PPIL6: variants seen among roughly 807,000 people sequenced by gnomAD.
PPIL6 encodes the protein peptidylprolyl isomerase like 6.
Under a neutral mutation model 36.8 loss-of-function variants are expected in PPIL6, and 39 were observed. The observed-to-expected ratio is 1.06, with a 90% CI of 0.82 to 1.38. The LOEUF (loss-of-function observed/expected upper bound fraction) is 1.38, where lower values mean the gene tolerates loss of function less well. Among genes scored for constraint, PPIL6 ranks in the 40% most tolerant of loss-of-function variants. The pLI is 0.00. For missense variants in PPIL6, 368 were observed against 379.1 expected (o/e 0.97, Z 0.24); for synonymous variants, 123 against 134.1 (o/e 0.92, Z 0.57).
chr6:109,419,797 T>C (rs1176779265), intron 5 of PPIL6, among the ~76,000 whole-genome samples: 1 of 152,154 alleles, frequency 6.6e-6, no homozygotes, highest in Non-Finnish European at 1.5e-5. Flanking sequence ...AATTATTCAA[T>C]ATCCACACTA....
chr6:109,440,202 G>A, intron 1 of PPIL6: 1 of 578,518 alleles, frequency 1.7e-6, no homozygotes, highest in Non-Finnish European at 3.3e-6. Context: ...GCGCGGTTCT[G>A]AACCCTTCCT....
At chr6:109,416,233 T>C (rs1160282935) in intron 6 of PPIL6, among the ~76,000 whole-genome samples, 2 of 146,828 alleles carry the variant, frequency 1.4e-5, no homozygotes, top group African/African-American at 5.1e-5. Flanking sequence ...ACAAGAGTCT[T>C]ACTCTGTCTC....
intron 6 of PPIL6, among the ~76,000 whole-genome samples, chr6:109,415,571 GCTCTGTCAT>G (rs985078734): frequency 1.1e-4 from 17 of 152,188 alleles, no homozygotes; most frequent in African/African-American, 4.1e-4. Flanking sequence ...TCCTTGATGG[GCTCTGTCAT>G]AAATCCCGTG....
At position 109,413,500 on chromosome 6, in the gene PPIL6, C is replaced by A. The variant is rs1773105865; in HGVS notation, c.688+5687G>T. ...ATGTGGAGAAAAAGGGACCCTTGTA[C>A]ACTGTTGGTGGGAATGTAAACTAAT... is the stretch of plus-strand genomic sequence containing the variant. On this transcript the variant is annotated intron_variant, in intron 6 of 7. Coordinates refer to ENST00000521072, the MANE Select transcript of PPIL6 (RefSeq NM_173672.5). The surrounding 1 kb of genome is among the most constrained non-coding windows in gnomAD (Gnocchi z 4.6). Among the ~76,000 whole-genome samples the A allele has an allele frequency of 6.6e-6, 1 of 152,162 alleles. No homozygotes were observed. Among genetic ancestry groups the A allele is most frequent in the Admixed American group, 6.5e-5 (1 of 15,272 alleles).
At chr6:109,406,415 CA>C (rs1772801183) in intron 6 of PPIL6, among the ~76,000 whole-genome samples, 1 of 152,040 alleles carries the variant, frequency 6.6e-6, no homozygotes, top group Non-Finnish European at 1.5e-5. Flanking sequence ...GTATTTCTTG[CA>C]AATCGGCAGC....
chr6:109,397,931 C>T lies in PPIL6; in HGVS notation c.824+2104G>A, dbSNP rs559928834. On this transcript the variant is annotated intron_variant, in intron 7 of 7. Transcript: ENST00000521072. The stretch of plus-strand genomic sequence containing the variant: ...TTTTTTAAATGGTGTCTCACCCTGT[C>T]GTCAGACTGGAGTGCAGTGGTGCGA... Among the ~76,000 whole-genome samples, 93 of 150,222 alleles carry T rather than the reference C, an allele frequency of 6.2e-4. 1 individual carries two copies. The highest frequency in any genetic ancestry group is 3.4e-3 in the Middle Eastern group (1 of 292).
chr6:109,439,153 T>C (rs1418310269), intron 1 of PPIL6, among the ~76,000 whole-genome samples: 1 of 152,166 alleles, frequency 6.6e-6, no homozygotes, highest in Non-Finnish European at 1.5e-5. Context: ...ACAGAAAATA[T>C]GTGCCTTCAG....
At chr6:109,421,947 G>T (rs1317343054) in intron 5 of PPIL6, among the ~76,000 whole-genome samples, 1 of 152,130 alleles carries the variant, frequency 6.6e-6, no homozygotes, top group Non-Finnish European at 1.5e-5. Flanking sequence ...CATCATCTCG[G>T]CTCACTGCAA....
chr6:109,433,719 G>A (rs1439805251), intron 2 of PPIL6, among the ~76,000 whole-genome samples: 1 of 152,140 alleles, frequency 6.6e-6, no homozygotes, highest in South Asian at 2.1e-4. Flanking sequence ...CACTACTTAT[G>A]ACACAAGACA....
At chr6:109,412,066 T>C (rs886113788) in intron 6 of PPIL6, among the ~76,000 whole-genome samples, 1 of 152,248 alleles carries the variant, frequency 6.6e-6, no homozygotes, top group African/African-American at 2.4e-5. Context: ...CAATCAGACC[T>C]GTCCATCAAT....
At chr6:109,396,483 T>C (rs1772310827) in intron 7 of PPIL6, among the ~76,000 whole-genome samples, 1 of 152,146 alleles carries the variant, frequency 6.6e-6, no homozygotes, top group Non-Finnish European at 1.5e-5. Flanking sequence ...AGATGACTTG[T>C]AGATAAGATG....
chr6:109,434,828 T>C (rs961509205), intron 2 of PPIL6, among the ~76,000 whole-genome samples: 3 of 152,130 alleles, frequency 2.0e-5, no homozygotes, highest in Non-Finnish European at 4.4e-5. Context: ...ACACAGGATA[T>C]TGCTAAGCCA....
In PPIL6 at chr6:109,400,047, A is replaced by C. The variant is rs567517121; in HGVS notation, c.812T>G (p.Phe271Cys). 6.2e-7 allele frequency: 1 copy of C among 1,611,512 alleles called. No individual in the cohort carries two copies. Among genetic ancestry groups the C allele is most frequent in the Admixed American group, 1.7e-5 (1 of 59,722 alleles). ...ACAATATACATACCCAAAAGCCACA[A>C]ATTTTCTATCTAGATAAGGAGTTGC... ...LQATPYLDRK[F>C]VAFGQLIEGT... The change falls in exon 7 of 8, where the codon TTT (phenylalanine) becomes TGT (cysteine). Residue 271 changes from phenylalanine to cysteine, a missense_variant. Physicochemically the swap from Phe to Cys is radical, Grantham distance 205. Transcript: ENST00000521072.
rs1469932634 is a variant in PPIL6 at position 109,440,510 on chromosome 6, C to G, written c.81G>C (p.Lys27Asn). The change falls in exon 1 of 8, where the codon AAG becomes AAC. Residue 27 changes from lysine to asparagine, a missense_variant. Transcript: ENST00000521072. ...TGGGGCAGCTGAAGAGCCCCACCAC[C>G]TTCACCTGCAGCGGCCGCTCCGGCA... is the stretch of plus-strand genomic sequence containing the variant. ...PSLPERPLQV[K>N]VVGLFSCPNF... 1 of 1,524,454 alleles carries G rather than the reference C, an allele frequency of 6.6e-7. No homozygotes were observed. Among genetic ancestry groups the G allele is most frequent in the Non-Finnish European group, 8.8e-7 (1 of 1,136,542 alleles). The allele number at this position is 1,524,454 out of a possible 1,614,324, so 94.4% of individuals were successfully genotyped here. A position where few individuals can be genotyped will look rare whatever the true frequency, so the allele number is the denominator to read the frequency against.
rs1293703814 is a variant in PPIL6, at chr6:109,436,148, G to A, written c.187C>T (p.Leu63Phe). The change falls in exon 2 of 8, where the codon CTT becomes TTT. Residue 63 changes from leucine to phenylalanine, a missense_variant. Coordinates refer to ENST00000521072, the MANE Select transcript of PPIL6 (RefSeq NM_173672.5). ...SKFEDPILVPLQEFAWHQYLQ... is the reference protein window; with the variant it reads ...SKFEDPILVPFQEFAWHQYLQ... ...TATTGATGCCATGCAAATTCTTGAAGAGGAACTAATATAGGATCTTCAAAT... is the reference window on the plus strand; with the variant it reads ...TATTGATGCCATGCAAATTCTTGAAAAGGAACTAATATAGGATCTTCAAAT... The A allele has an allele frequency of 9.4e-6, 15 of 1,588,882 alleles. No individual in the cohort carries two copies. Among genetic ancestry groups the A allele is most frequent in the African/African-American group, 1.3e-5 (1 of 74,406 alleles).
At chr6:109,414,475 AGCTT>A (rs1773153349) in intron 6 of PPIL6, among the ~76,000 whole-genome samples, 2 of 97,588 alleles carry the variant, frequency 2.0e-5, no homozygotes, top group Admixed American at 1.1e-4. Context: ...AATGTCTTTT[AGCTT>A]TTTTTTTTTT....
intron 5 of PPIL6, 62 bp downstream of exon 5, chr6:109,426,768 CATTTCATAAAGATAAAT>C: frequency 3.1e-6 from 3 of 975,736 alleles, no homozygotes; most frequent in Non-Finnish European, 4.4e-6. Context: ...ATTCTACATA[CATTTCATAAAGATAAAT>C]GAAAGTTTGG....
upstream of PPIL6, chr6:109,440,633 C>A (rs1259392848): frequency 4.2e-6 from 5 of 1,197,766 alleles, no homozygotes; most frequent in South Asian, 4.1e-5. Context: ...CACTGCGCGT[C>A]GCTCCGGCAA....
At chr6:109,394,014 T>C (rs951938108) in intron 7 of PPIL6, among the ~76,000 whole-genome samples, 5 of 152,232 alleles carry the variant, frequency 3.3e-5, no homozygotes, top group Non-Finnish European at 7.3e-5. Context: ...CCTAGCATAA[T>C]GCCTGGCACT....
Sources: gnomAD v4.1 joint callset for allele counts (sites outside exome capture counted in the v4.1 genomes callset) on GRCh38, gnomAD v4.1.1 for gene constraint, Gnocchi (gnomAD v3.1) non-coding constraint, MANE v1.5 for transcripts, NCBI Gene and HGNC (gene_info 2026-07-23, HGNC 2026-07-21) for gene names.